TJP1: variants seen among roughly 807,000 people sequenced by gnomAD.
TJP1 encodes tight junction protein ZO-1.
A neutral mutation model predicts 194.2 loss-of-function variants in TJP1; 43 were observed. That is an observed-to-expected ratio of 0.22 (90% CI 0.17 to 0.29). The LOEUF is 0.29. Among genes scored for constraint, TJP1 ranks in the 10% least tolerant of loss-of-function variants. The pLI, the probability that TJP1 is intolerant of heterozygous loss-of-function variation, is 1.00. For missense variants in TJP1, 1,971 were observed against 2,185.7 expected (o/e 0.90, Z 1.96); for synonymous variants, 801 against 779.0 (o/e 1.03, Z -0.47).
intron 1 of TJP1, among the ~76,000 whole-genome samples, chr15:29,960,056 AT>A (rs778142065): frequency 1.3e-5 from 2 of 152,226 alleles, no homozygotes; most frequent in Non-Finnish European, 2.9e-5. Context: ...GTGTGATCAT[AT>A]TTTAGAAAAT....
At position 29,742,649 on chromosome 15, in the gene TJP1, A is replaced by G. The variant is rs1595719006; in HGVS notation, c.1143T>C (p.Ser381=). 2 of 1,579,812 alleles carry G rather than the reference A, an allele frequency of 1.3e-6. No individual in the cohort carries two copies. The highest frequency in any genetic ancestry group is 2.3e-5 in the East Asian group (1 of 43,126). The change falls in exon 9 of 28, where the codon TCT becomes TCC. Residue 381 remains serine (S), a synonymous_variant. Coordinates refer to ENST00000614355, the MANE Select transcript of TJP1 (RefSeq NM_001330239.4). ...GTGTTTCGTTATGCTTACCTGGAAG[A>G]GAAGGTGTTTGTTTCTCATTTCTTT... ...TVERNEKQTP[S]LPEPKPVYAQ...
Position 29,715,927 on chromosome 15 carries a change from T to A in TJP1, c.4202+684A>T, listed in dbSNP as rs193136547. On this transcript the variant is annotated intron_variant, in intron 23 of 27. Transcript: ENST00000614355. Reference sequence around the variant, plus strand: ...TTCTATTGAGGTATGAATCTACCTGTGTGCCCGTGTGGGCTTAGACACAAC... The same window carrying A: ...TTCTATTGAGGTATGAATCTACCTGAGTGCCCGTGTGGGCTTAGACACAAC... Among the ~76,000 whole-genome samples, 4 of 152,356 alleles carry A rather than the reference T, an allele frequency of 2.6e-5. No homozygotes were observed. The East Asian group carries it at 5.8e-4, about 22-fold the overall frequency.
At chr15:29,880,902 A>G (rs987971402) in intron 2 of TJP1, among the ~76,000 whole-genome samples, 6 of 152,234 alleles carry the variant, frequency 3.9e-5, no homozygotes, top group Non-Finnish European at 7.3e-5. Flanking sequence ...CGCAACAAAC[A>G]TGGGAGTGCA....
intron 2 of TJP1, among the ~76,000 whole-genome samples, chr15:29,797,183 C>CTG (rs1490570910): frequency 6.6e-6 from 1 of 152,188 alleles, no homozygotes; most frequent in South Asian, 2.1e-4. Flanking sequence ...GAGTCTTACT[C>CTG]TGTCTCCCAT....
At chr15:29,937,900 AAAAATTAGATG>A (rs982489346) in intron 2 of TJP1, among the ~76,000 whole-genome samples, 6 of 152,246 alleles carry the variant, frequency 3.9e-5, no homozygotes, top group African/African-American at 1.4e-4. Context: ...TTACACTAAA[AAAAATTAGATG>A]AATTAAAATG....
intron 26 of TJP1, 93 bp from the exon 27 acceptor site, chr15:29,704,398 G>C (rs1003620663): frequency 6.9e-7 from 1 of 1,453,838 alleles, no homozygotes; most frequent in African/African-American, 1.4e-5. Context: ...TTATATGCTT[G>C]AAAGCCTAAT....
rs780288934 is a variant in TJP1, at chr15:29,733,118, C to G, written c.1712G>C (p.Arg571Pro). The G allele has an allele frequency of 1.9e-6, 3 of 1,613,970 alleles. No homozygotes were observed. Residue 571 changes from arginine (R) to proline (P), a missense_variant, in exon 13 of 28, where the codon CGA (arginine) becomes CCA (proline). By Grantham distance (103) the Arg-to-Pro change is moderately radical (BLOSUM62 -2). Coordinates refer to ENST00000614355, the MANE Select transcript of TJP1 (RefSeq NM_001330239.4). ...RIGKNHKEVE[R>P]GIIPNKNRAE... ...CCTGTTCTTATTAGGGATGATGCCT[C>G]GTTCTACCTCCTTATGATTTTTACC...
At chr15:29,831,528 G>C (rs1388213040) in intron 2 of TJP1, among the ~76,000 whole-genome samples, 1 of 152,226 alleles carries the variant, frequency 6.6e-6, no homozygotes, top group African/African-American at 2.4e-5. Flanking sequence ...AAGCTTTACA[G>C]ACGGATGTGG....
At chr15:29,709,176 G>C in intron 24 of TJP1, 140 bp from the exon 25 acceptor site, 1 of 761,272 alleles carries the variant, frequency 1.3e-6, no homozygotes, top group East Asian at 2.7e-5. Context: ...AGCCCTGGAG[G>C]CTAGGTGTGA....
At chr15:29,813,532 G>A (rs1457427609) in intron 1 of TJP1, among the ~76,000 whole-genome samples, 1 of 152,142 alleles carries the variant, frequency 6.6e-6, no homozygotes, top group Non-Finnish European at 1.5e-5. Context: ...CAAACATAAT[G>A]CTGAGCAAAA....
intron 2 of TJP1, among the ~76,000 whole-genome samples, chr15:29,791,317 G>A (rs536775656): frequency 2.7e-4 from 39 of 143,466 alleles, no homozygotes; most frequent in African/African-American, 8.8e-4. Context: ...ATGAGCCACC[G>A]CACCCAGGCC....
At chr15:29,704,085 T>A (rs1226956849) in intron 27 of TJP1, 77 bp downstream of exon 27, 7 of 1,459,346 alleles carry the variant, frequency 4.8e-6, no homozygotes, top group Non-Finnish European at 6.5e-6. Context: ...ACACACAGCA[T>A]GGGCAGCATC....
chr15:29,888,150 A>C (rs1021221208), intron 2 of TJP1, among the ~76,000 whole-genome samples: 1 of 152,170 alleles, frequency 6.6e-6, no homozygotes, highest in Non-Finnish European at 1.5e-5. Flanking sequence ...GAAAAAATCA[A>C]GATACTAAAT....
At chr15:29,781,204 C>T (rs896373796) in intron 2 of TJP1, among the ~76,000 whole-genome samples, 3 of 152,124 alleles carry the variant, frequency 2.0e-5, no homozygotes, top group African/African-American at 7.2e-5. Flanking sequence ...CAGCCATGCA[C>T]ACAAACTAGA....
chr15:29,934,592 T>A (rs1481752508), intron 2 of TJP1, among the ~76,000 whole-genome samples: 1 of 152,200 alleles, frequency 6.6e-6, no homozygotes, highest in Non-Finnish European at 1.5e-5. Flanking sequence ...TCCTCTGTCA[T>A]AAAGCCAACA....
chr15:29,701,546 A>AT lies in TJP1; in HGVS notation c.*48dup. On this transcript the variant is annotated 3_prime_UTR_variant, in exon 28 of 28. Coordinates refer to ENST00000614355, the MANE Select transcript of TJP1 (RefSeq NM_001330239.4). ...TACTTGATAGAGTGGTTCCATTTAG[A>AT]TTAAGTTTAATCCAGTTTCACATTA... 1 of 1,476,344 alleles carries AT rather than the reference A, an allele frequency of 6.8e-7. No homozygotes were observed. Among genetic ancestry groups the AT allele is most frequent in the Non-Finnish European group, 9.5e-7 (1 of 1,057,312 alleles). The allele number at this position is 1,476,344 out of a possible 1,614,324, so 91.5% of individuals were successfully genotyped here.
At chr15:29,699,757 C>T (rs2041428998), downstream of TJP1, 1 of 152,486 alleles carries the variant, frequency 6.6e-6, no homozygotes, top group Admixed American at 6.5e-5. Flanking sequence ...TTTCTTCCCC[C>T]AAATGTGGGT....
chr15:29,800,325 T>C (rs2048700153), intron 2 of TJP1, among the ~76,000 whole-genome samples: 1 of 152,228 alleles, frequency 6.6e-6, no homozygotes, highest in South Asian at 2.1e-4. Context: ...TGGATGCATA[T>C]ATACTCAGAA....
intron 1 of TJP1, among the ~76,000 whole-genome samples, chr15:29,804,341 T>C (rs1567061985): frequency 2.0e-5 from 3 of 152,272 alleles, no homozygotes; most frequent in Admixed American, 6.5e-5. Context: ...CATAATAAAA[T>C]GCTGAGGAAA....
Sources: gnomAD v4.1 joint callset for allele counts (sites outside exome capture counted in the v4.1 genomes callset) on GRCh38, gnomAD v4.1.1 for gene constraint, MANE v1.5 for transcripts, NCBI Gene and HGNC (gene_info 2026-07-23, HGNC 2026-07-21) for gene names.